Variants in BCL11A observed in about 807,000 individuals in gnomAD.
The protein encoded by BCL11A is BCL11 transcription factor A, also known as B cell CLL/lymphoma 11A.
A neutral mutation model predicts 55.9 loss-of-function variants in BCL11A; 2 were observed. The observed-to-expected ratio is 0.04, with a 90% CI of 0.01 to 0.11. The LOEUF (loss-of-function observed/expected upper bound fraction) is 0.11. Ranked by LOEUF, BCL11A falls within the 10% of genes least tolerant of loss-of-function variation. BCL11A has a pLI of 1.00. For synonymous variants in BCL11A, 465 were observed against 473.4 expected (o/e 0.98, Z 0.23); for missense variants, 817 against 1,137.1 (o/e 0.72, Z 4.05).
At chr2:60,486,724 T>C (rs550851796) in intron 2 of BCL11A, among the ~76,000 whole-genome samples, 99 of 152,174 alleles carry the variant, frequency 6.5e-4, no homozygotes, top group Non-Finnish European at 1.1e-3. Flanking sequence ...AAGGCCTTGA[T>C]AGCATTAGAT....
In BCL11A at chr2:60,457,596, C is replaced by T. The variant is rs757344774; in HGVS notation, c.*2808G>A. 1.9e-6 allele frequency: 2 copies of T among 1,041,574 alleles called. No individual in the cohort carries two copies. Among genetic ancestry groups the T allele is most frequent in the Non-Finnish European group, 2.3e-6 (2 of 864,630 alleles). The allele number at this position is 1,041,574 out of a possible 1,614,324, so 64.5% of individuals were successfully genotyped here. The stretch of plus-strand genomic sequence containing the variant: ...CGGGCTTTCTCTTTAATATGCTTTG[C>T]ATATGAAATTCTTTCCAATCTAAAT... On this transcript the variant is annotated 3_prime_UTR_variant, in exon 4 of 4. Transcript: ENST00000642384.
intron 2 of BCL11A, chr2:60,496,413 C>T (rs1343360984): frequency 6.6e-6 from 1 of 152,310 alleles, no homozygotes; most frequent in African/African-American, 2.4e-5. Context: ...AGACAGAGCA[C>T]TAGGCTGGTG....
chr2:60,540,200 A>G (rs1314060063), intron 2 of BCL11A, among the ~76,000 whole-genome samples: 1 of 152,168 alleles, frequency 6.6e-6, no homozygotes, highest in African/African-American at 2.4e-5. Flanking sequence ...AATCTGAACA[A>G]GCAGAAAGGT....
At chr2:60,504,021 A>G (rs1459379054) in intron 2 of BCL11A, among the ~76,000 whole-genome samples, 1 of 152,224 alleles carries the variant, frequency 6.6e-6, no homozygotes, top group Non-Finnish European at 1.5e-5. Flanking sequence ...CCCATCTGCT[A>G]GAAGCCTGCT....
At chr2:60,452,030 C>T in exon 5 of BCL11A, 1 of 226,938 alleles carries the variant, frequency 4.4e-6, no homozygotes, top group Non-Finnish European at 8.8e-6. Flanking sequence ...ATCTCCTGCC[C>T]ATTTCTCAAA....
intron 1 of BCL11A, among the ~76,000 whole-genome samples, chr2:60,552,611 G>T (rs1048352617): frequency 6.6e-6 from 1 of 152,214 alleles, no homozygotes; most frequent in African/African-American, 2.4e-5. Flanking sequence ...AGGAGCGCCG[G>T]GGGCCCCTTT....
intron 2 of BCL11A, among the ~76,000 whole-genome samples, chr2:60,497,990 T>C (rs1356028336): frequency 6.6e-6 from 1 of 152,056 alleles, no homozygotes; most frequent in Non-Finnish European, 1.5e-5. Flanking sequence ...GAGATTGCTA[T>C]GCACAAAATC....
chr2:60,487,391 A>G lies in BCL11A; in HGVS notation c.386-18558T>C, dbSNP rs1360869888. Among the ~76,000 whole-genome samples, 4 of 152,268 alleles carry G rather than the reference A, an allele frequency of 2.6e-5. No homozygotes were observed. The East Asian group carries it at 7.7e-4, about 29-fold the overall frequency. On this transcript the variant is annotated intron_variant, in intron 2 of 3. Transcript: ENST00000642384. ...GAAAATTCAGCAGGGGGAGCAGTGT[A>G]GTGGGCAGTTACGTTTTCGTCATCT...
intron 2 of BCL11A, among the ~76,000 whole-genome samples, chr2:60,530,258 C>G (rs1239885989): frequency 1.3e-5 from 2 of 151,352 alleles, no homozygotes; most frequent in Non-Finnish European, 2.9e-5. Flanking sequence ...CTTGAGCCTT[C>G]CTTGCATATT....
At chr2:60,520,139 T>C (rs1233717328) in intron 2 of BCL11A, among the ~76,000 whole-genome samples, 1 of 152,224 alleles carries the variant, frequency 6.6e-6, no homozygotes, top group Non-Finnish European at 1.5e-5. Flanking sequence ...TAATAGAATA[T>C]ACCTTGCGTG....
rs539431000 is a variant in BCL11A at position 60,488,711 on chromosome 2, C to T, written c.386-19878G>A. On this transcript the variant is annotated intron_variant, in intron 2 of 3. Transcript: ENST00000642384. ...CAATAGCCAAAGATCCAAAAACAGC[C>T]TAAAGCCACTGCTACCCAAAACGAT... Among the ~76,000 whole-genome samples, 11 of 152,254 alleles carry T rather than the reference C, an allele frequency of 7.2e-5. 1 individual carries two copies. In the South Asian group the frequency reaches 2.3e-3, roughly 32 times the overall value.
Position 60,458,094 on chromosome 2 carries a change from T to G in BCL11A, c.*2310A>C. On this transcript the variant is annotated 3_prime_UTR_variant, in exon 4 of 4. Transcript: ENST00000642384. The stretch of plus-strand genomic sequence containing the variant: ...ACCTTTTAAGAGAACAAGCAACAGT[T>G]AAAAATACAAGCTTCAATATAAATA... 1 of 1,032,782 alleles carries G rather than the reference T, an allele frequency of 9.7e-7. No individual in the cohort carries two copies. The highest frequency in any genetic ancestry group is 6.1e-5 in the East Asian group (1 of 16,506). The allele number at this position is 1,032,782 out of a possible 1,614,324, so 64.0% of individuals were successfully genotyped here.
In BCL11A at chr2:60,457,944, G is replaced by C. The variant is rs1676022201; in HGVS notation, c.*2460C>G. On this transcript the variant is annotated 3_prime_UTR_variant, in exon 4 of 4. Coordinates refer to ENST00000642384, the MANE Select transcript of BCL11A (RefSeq NM_022893.4). Reference sequence around the variant, plus strand: ...CTCATCTGTAATGTCACACTTTTTTGTTTCTCTCTTTTTTTTTTTTTTGAA... The same window carrying C: ...CTCATCTGTAATGTCACACTTTTTTCTTTCTCTCTTTTTTTTTTTTTTGAA... The C allele has an allele frequency of 4.9e-6, 5 of 1,030,188 alleles. No individual in the cohort carries two copies. Among genetic ancestry groups the C allele is most frequent in the South Asian group, 4.6e-5 (1 of 21,508 alleles). 63.8% of individuals were successfully genotyped at this position (1,030,188 alleles called of 1,614,324 possible).
At chr2:60,532,269 T>C (rs891618024) in intron 2 of BCL11A, among the ~76,000 whole-genome samples, 1 of 152,128 alleles carries the variant, frequency 6.6e-6, no homozygotes, top group Non-Finnish European at 1.5e-5. Flanking sequence ...TCACTGGTGG[T>C]CTATTAATAG....
intron 1 of BCL11A, among the ~76,000 whole-genome samples, chr2:60,547,563 A>G (rs573393876): frequency 4.6e-5 from 7 of 152,254 alleles, no homozygotes; most frequent in African/African-American, 1.7e-4. Flanking sequence ...GCTGCCAGTT[A>G]ATAAAACTGA....
In BCL11A at chr2:60,457,374, A is replaced by T. The variant is rs948754946; in HGVS notation, c.*3030T>A. The T allele has an allele frequency of 1.8e-5, 18 of 1,024,282 alleles. No homozygotes were observed. Among genetic ancestry groups the T allele is most frequent in the East Asian group, 6.2e-5 (1 of 16,202 alleles). The allele number at this position is 1,024,282 out of a possible 1,614,324, so 63.4% of individuals were successfully genotyped here. A position where few individuals can be genotyped will look rare whatever the true frequency, so the allele number is the denominator to read the frequency against. ...ACCTTTGGTCATCTAAATAAAAAAA[A>T]AAATAAAAACAAAGAAAAATAAAAG... On this transcript the variant is annotated 3_prime_UTR_variant, in exon 4 of 4. Coordinates refer to ENST00000642384, the MANE Select transcript of BCL11A (RefSeq NM_022893.4).
At chr2:60,549,546 AAGCGAGCAGCGTGCT>A (rs2104774262) in intron 1 of BCL11A, among the ~76,000 whole-genome samples, 1 of 152,310 alleles carries the variant, frequency 6.6e-6, no homozygotes, top group South Asian at 2.1e-4. Flanking sequence ...CTGAGGCACA[AAGCGAGCAGCGTGCT>A]GGCTGCAGGC....
chr2:60,461,395 G>C lies in BCL11A; in HGVS notation c.1517C>G (p.Thr506Arg), dbSNP rs919252266. 1.9e-6 allele frequency: 3 copies of C among 1,605,224 alleles called. No homozygotes were observed. The highest frequency in any genetic ancestry group is 2.5e-6 in the Non-Finnish European group (3 of 1,178,718). The change falls in exon 4 of 4, where the codon ACG (threonine) becomes AGG (arginine). Residue 506 changes from threonine to arginine, a missense_variant. Thr to Arg is a moderately conservative substitution (Grantham distance 71). This residue lies in a region of BCL11A where 379 missense variants were observed against 425.3 expected (regional missense o/e 0.89). Transcript: ENST00000642384. Reference protein sequence around the residue: ...EEEEEEEEELTESERVDYGFG... With the variant: ...EEEEEEEEELRESERVDYGFG... ...GCCGTAGTCCACCCTCTCGCTCTCC[G>C]TCAGCTCCTCCTCCTCCTCTTCCTC...
chr2:60,479,335 C>T (rs1280828151), intron 2 of BCL11A, among the ~76,000 whole-genome samples: 2 of 152,182 alleles, frequency 1.3e-5, no homozygotes, highest in Non-Finnish European at 2.9e-5. Context: ...ACCCGGAGAC[C>T]ATTTTTTGTT....
Sources: gnomAD v4.1 joint callset for allele counts (sites outside exome capture counted in the v4.1 genomes callset) on GRCh38, gnomAD v4.1.1 for gene constraint, gnomAD v4.1.1 regional missense constraint, MANE v1.5 for transcripts, NCBI Gene and HGNC (gene_info 2026-07-23, HGNC 2026-07-21) for gene names.